The following IMMP2L variants were observed in gnomAD, a reference collection of about 807,000 sequenced individuals.
IMMP2L encodes inner mitochondrial membrane peptidase subunit 2, also known as mitochondrial inner membrane protease subunit 2.
IMMP2L carries 18 observed loss-of-function variants against 19.3 expected under a neutral mutation model. The ratio of observed to expected loss-of-function variants is 0.93; its 90% CI spans 0.64 to 1.38. IMMP2L has a LOEUF of 1.38. Ranked by LOEUF, IMMP2L falls within the 40% of genes most tolerant of loss-of-function variation. The pLI, the probability that IMMP2L is intolerant of heterozygous loss-of-function variation, is 0.00. For synonymous variants in IMMP2L, 76 were observed against 73.0 expected, an observed-to-expected ratio of 1.04 and a Z score of -0.21; for missense variants, 233 against 218.2, an observed-to-expected ratio of 1.07 and a Z score of -0.43.
At chr7:110,763,488 T>C (rs1039171934) in intron 5 of IMMP2L, among the ~76,000 whole-genome samples, 1 of 152,224 alleles carries the variant, frequency 6.6e-6, no homozygotes, top group Non-Finnish European at 1.5e-5. Context: ...GAGTGTTATA[T>C]ACACAACAAA....
rs369630042 is a variant in IMMP2L, at chr7:111,420,908, T to G, written c.239+66330A>C. Among the ~76,000 whole-genome samples, 35 of 151,928 alleles carry G rather than the reference T, an allele frequency of 2.3e-4. No homozygotes were observed. In the South Asian group the frequency reaches 5.6e-3, roughly 24 times the overall value. Reference sequence around the variant, plus strand: ...TTATAGTAGCATGATTTATAATCCTTTGGGTATATACCCAGTAATGGGACC... The same window carrying G: ...TTATAGTAGCATGATTTATAATCCTGTGGGTATATACCCAGTAATGGGACC... On this transcript the variant is annotated intron_variant, in intron 3 of 5. Coordinates refer to ENST00000405709, the MANE Select transcript of IMMP2L (RefSeq NM_032549.4).
intron 3 of IMMP2L, among the ~76,000 whole-genome samples, chr7:111,118,650 T>C (rs1285057810): frequency 2.0e-5 from 3 of 152,090 alleles, no homozygotes; most frequent in African/African-American, 4.8e-5. Flanking sequence ...CTTTGAAAAC[T>C]ATAAAGCACT....
At chr7:111,363,588 T>G (rs1376502171) in intron 3 of IMMP2L, among the ~76,000 whole-genome samples, 1 of 152,076 alleles carries the variant, frequency 6.6e-6, no homozygotes, top group Non-Finnish European at 1.5e-5. Context: ...TCTTCCTCAT[T>G]ATCCTGGATT....
intron 3 of IMMP2L, among the ~76,000 whole-genome samples, chr7:111,076,688 C>G (rs966923593): frequency 1.3e-5 from 2 of 152,182 alleles, no homozygotes; most frequent in African/African-American, 4.8e-5. Flanking sequence ...ATAGTGTGGT[C>G]AATTTGCTGT....
intron 3 of IMMP2L, among the ~76,000 whole-genome samples, chr7:111,134,922 G>A (rs1802190479): frequency 6.6e-6 from 1 of 151,792 alleles, no homozygotes; most frequent in Non-Finnish European, 1.5e-5. Flanking sequence ...ATTTCACTAT[G>A]GTATCAATAA....
chr7:111,533,764 T>C (rs930303828), intron 1 of IMMP2L, among the ~76,000 whole-genome samples: 1 of 151,574 alleles, frequency 6.6e-6, no homozygotes, highest in East Asian at 1.9e-4. Context: ...CAAGAGAAAA[T>C]AAAGGCAACA....
chr7:110,719,619 C>T (rs936766430), intron 5 of IMMP2L, among the ~76,000 whole-genome samples: 15 of 152,162 alleles, frequency 9.9e-5, no homozygotes, highest in African/African-American at 3.6e-4. Context: ...AAAATAACAG[C>T]TTTGTGTCTC....
intron 3 of IMMP2L, among the ~76,000 whole-genome samples, chr7:111,281,702 C>T (rs1186573132): frequency 1.3e-5 from 2 of 151,986 alleles, no homozygotes; most frequent in Non-Finnish European, 2.9e-5. Context: ...TTCTGTACAC[C>T]AGCATTATAT....
At chr7:110,907,526 T>C (rs1325459648) in intron 4 of IMMP2L, among the ~76,000 whole-genome samples, 1 of 144,618 alleles carries the variant, frequency 6.9e-6, no homozygotes, top group East Asian at 2.2e-4. Flanking sequence ...CCATGGGTGG[T>C]TTTGGAAAAG....
chr7:110,881,061 A>G (rs865882230), intron 5 of IMMP2L, among the ~76,000 whole-genome samples: 3 of 152,048 alleles, frequency 2.0e-5, no homozygotes, highest in African/African-American at 7.2e-5. Context: ...TCTTTTTAAA[A>G]TCATATATAT....
At chr7:111,318,057 A>G (rs975735697) in intron 3 of IMMP2L, among the ~76,000 whole-genome samples, 10 of 152,270 alleles carry the variant, frequency 6.6e-5, no homozygotes, top group Admixed American at 4.6e-4. Flanking sequence ...TTATAATGCA[A>G]TCCTTATAAT....
At chr7:111,506,875 G>A (rs765799663) in intron 2 of IMMP2L, among the ~76,000 whole-genome samples, 2 of 151,858 alleles carry the variant, frequency 1.3e-5, no homozygotes, top group African/African-American at 4.8e-5. Flanking sequence ...AGAGTCTCAC[G>A]GTGTCACCCA....
intron 3 of IMMP2L, among the ~76,000 whole-genome samples, chr7:111,133,752 A>T (rs2129594969): frequency 6.6e-6 from 1 of 152,084 alleles, no homozygotes; most frequent in African/African-American, 2.4e-5. Context: ...CGTGGGAAAT[A>T]AAAGACAAAA....
At chr7:111,374,149 A>C (rs1006521083) in intron 3 of IMMP2L, among the ~76,000 whole-genome samples, 1 of 152,106 alleles carries the variant, frequency 6.6e-6, no homozygotes, top group Non-Finnish European at 1.5e-5. Context: ...GCAGGTCTCC[A>C]AAAATTGCTC....
At chr7:111,510,413 CAGATATCAAAATCAGTAT>C (rs1845334579) in intron 2 of IMMP2L, among the ~76,000 whole-genome samples, 1 of 151,902 alleles carries the variant, frequency 6.6e-6, no homozygotes, top group Non-Finnish European at 1.5e-5. Context: ...GATATTGATA[CAGATATCAAAATCAGTAT>C]AGATATCCTG....
chr7:111,121,256 G>C (rs931131454), intron 3 of IMMP2L, among the ~76,000 whole-genome samples: 10 of 152,126 alleles, frequency 6.6e-5, no homozygotes, highest in African/African-American at 2.4e-4. Flanking sequence ...CTGGATATTA[G>C]CTGTCTGTCA....
At chr7:110,807,381 TA>T (rs1291005166) in intron 5 of IMMP2L, among the ~76,000 whole-genome samples, 1 of 152,006 alleles carries the variant, frequency 6.6e-6, no homozygotes, top group Non-Finnish European at 1.5e-5. Context: ...TGATGTGTGT[TA>T]AAAAATACAA....
intron 3 of IMMP2L, among the ~76,000 whole-genome samples, chr7:111,388,902 T>C (rs1297177121): frequency 1.3e-5 from 2 of 152,118 alleles, no homozygotes; most frequent in African/African-American, 4.8e-5. Flanking sequence ...CATGCATATA[T>C]GTACATACAT....
chr7:111,370,128 T>A (rs531879525), intron 3 of IMMP2L, among the ~76,000 whole-genome samples: 1 of 152,122 alleles, frequency 6.6e-6, no homozygotes, highest in South Asian at 2.1e-4. Flanking sequence ...AAACCCCAAC[T>A]CTAACCTGTG....
Sources: gnomAD v4.1 joint callset for allele counts (sites outside exome capture counted in the v4.1 genomes callset) on GRCh38, gnomAD v4.1.1 for gene constraint, MANE v1.5 for transcripts, NCBI Gene and HGNC (gene_info 2026-07-23, HGNC 2026-07-21) for gene names.